TTC29: variants seen among roughly 807,000 people sequenced by gnomAD.
TTC29 encodes the protein tetratricopeptide repeat protein 29.
TTC29 carries 49 observed loss-of-function variants against 58.1 expected under a neutral mutation model. That is an observed-to-expected ratio of 0.84 (90% CI 0.67 to 1.07). The LOEUF (loss-of-function observed/expected upper bound fraction) is 1.07, where lower values mean the gene tolerates loss of function less well. Among genes scored for constraint, TTC29 ranks in the 50% least tolerant of loss-of-function variants. The pLI is 0.00. For missense variants in TTC29, 582 were observed against 555.6 expected (o/e 1.05, Z -0.48); for synonymous variants, 209 against 196.8 (o/e 1.06, Z -0.52).
intron 11 of TTC29, among the ~76,000 whole-genome samples, chr4:146,730,508 A>G (rs556943125): frequency 6.6e-6 from 1 of 152,322 alleles, no homozygotes; most frequent in South Asian, 2.1e-4. Flanking sequence ...ATGAATGCAA[A>G]TAGCAAAAAG....
At chr4:146,910,238 C>T (rs900822200) in intron 4 of TTC29, among the ~76,000 whole-genome samples, 1 of 151,802 alleles carries the variant, frequency 6.6e-6, no homozygotes, top group African/African-American at 2.4e-5. Context: ...CTCCAGTCTT[C>T]TCATCTCTAA....
At chr4:146,897,424 G>A (rs555661842) in intron 6 of TTC29, among the ~76,000 whole-genome samples, 2 of 152,174 alleles carry the variant, frequency 1.3e-5, no homozygotes, top group Admixed American at 1.3e-4. Flanking sequence ...GGAGAGGTTG[G>A]TGTTCCCCAA....
chr4:146,921,544 T>C (rs1400660591), intron 4 of TTC29, among the ~76,000 whole-genome samples: 2 of 150,944 alleles, frequency 1.3e-5, no homozygotes, highest in Admixed American at 6.6e-5. Flanking sequence ...TTAAACAAAA[T>C]AGAATTCAGG....
chr4:146,890,573 G>A (rs1048919588), intron 6 of TTC29, among the ~76,000 whole-genome samples: 1 of 152,236 alleles, frequency 6.6e-6, no homozygotes, highest in African/African-American at 2.4e-5. Context: ...AAGCAGAGAG[G>A]AGACAGGGCC....
At position 146,909,126 on chromosome 4, in the gene TTC29, G is replaced by A. The variant is rs772402347; in HGVS notation, c.300C>T (p.Val100=). 9.3e-6 allele frequency: 15 copies of A among 1,613,738 alleles called. No individual in the cohort carries two copies. The South Asian group carries it at 1.6e-4, about 18-fold the overall frequency. Residue 100 remains valine (V), a synonymous_variant, in exon 5 of 13, where the codon GTC becomes GTT. Transcript: ENST00000325106. ...RWDALREAAR[V]RSLFWLQKPL... is the part of the protein sequence containing the mutation. ...GCTTCTGCAGCCAGAAGAGGGACCTGACTCTCGCAGCCTCCCTCAGGGCAT... is the reference window on the plus strand; with the variant it reads ...GCTTCTGCAGCCAGAAGAGGGACCTAACTCTCGCAGCCTCCCTCAGGGCAT...
rs1223372414 is a variant in TTC29, at chr4:146,758,393, G to A, written c.1330+45064C>T. The stretch of plus-strand genomic sequence containing the variant: ...ATAGACAGCAACACAATAATAGCAG[G>A]GGACTTCAATACTCCACTGACAGCA... On this transcript the variant is annotated intron_variant, in intron 11 of 12. Coordinates refer to ENST00000325106, the MANE Select transcript of TTC29 (RefSeq NM_031956.4). 1.3e-5 allele frequency among the ~76,000 whole-genome samples: 2 copies of A among 151,940 alleles called. 1 individual carries two copies. Among genetic ancestry groups the A allele is most frequent in the Admixed American group, 1.3e-4 (2 of 15,252 alleles).
intron 11 of TTC29, among the ~76,000 whole-genome samples, chr4:146,709,414 T>C (rs1648644702): frequency 6.6e-6 from 1 of 152,150 alleles, no homozygotes; most frequent in African/African-American, 2.4e-5. Flanking sequence ...TTCCTCATTT[T>C]TCTGTCTCTT....
intron 11 of TTC29, among the ~76,000 whole-genome samples, chr4:146,794,117 A>G (rs1276055625): frequency 6.6e-6 from 1 of 152,168 alleles, no homozygotes; most frequent in Non-Finnish European, 1.5e-5. Context: ...AAAAAATACT[A>G]TATTCACAAT....
intron 11 of TTC29, among the ~76,000 whole-genome samples, chr4:146,745,057 T>G (rs2150040098): frequency 7.7e-6 from 1 of 129,784 alleles, no homozygotes; most frequent in East Asian, 2.2e-4. Flanking sequence ...AACACCCAGA[T>G]GCCTGGTATG....
intron 10 of TTC29, among the ~76,000 whole-genome samples, chr4:146,805,613 C>T (rs1453290020): frequency 4.0e-5 from 6 of 151,464 alleles, no homozygotes; most frequent in Non-Finnish European, 7.4e-5. Context: ...ATAGCTGAAT[C>T]GATCAAGCAG....
At chr4:146,811,433 G>A (rs1751016976) in intron 10 of TTC29, among the ~76,000 whole-genome samples, 1 of 151,998 alleles carries the variant, frequency 6.6e-6, no homozygotes, top group Non-Finnish European at 1.5e-5. Flanking sequence ...CATTTGTAAA[G>A]GCTCTAGGAG....
rs181777710 is a variant in TTC29, at chr4:146,809,808, G to A, written c.1102-6123C>T. 1.3e-4 allele frequency among the ~76,000 whole-genome samples: 20 copies of A among 150,022 alleles called. 3 individuals carry two copies. Among genetic ancestry groups the A allele is most frequent in the East Asian group, 3.9e-4 (2 of 5,066 alleles). ...TGGAGAAATAGAAACGTTTTTATCC[G>A]TTGGTGGGCGTGTAAATTAGTCCAA... On this transcript the variant is annotated intron_variant, in intron 10 of 12. Transcript: ENST00000325106.
At chr4:146,809,878 A>G (rs1157760553) in intron 10 of TTC29, among the ~76,000 whole-genome samples, 1 of 144,960 alleles carries the variant, frequency 6.9e-6, no homozygotes, top group Non-Finnish European at 1.5e-5. Context: ...ATCTAGAACC[A>G]GAAATACCAT....
chr4:146,872,203 T>C (rs1730977779), intron 7 of TTC29, among the ~76,000 whole-genome samples: 1 of 151,920 alleles, frequency 6.6e-6, no homozygotes, highest in African/African-American at 2.4e-5. Flanking sequence ...ACTTTCAAAA[T>C]ATGAAGTCGT....
intron 11 of TTC29, among the ~76,000 whole-genome samples, chr4:146,788,759 A>G (rs1336219876): frequency 6.6e-6 from 1 of 152,104 alleles, no homozygotes; most frequent in African/African-American, 2.4e-5. Context: ...AGAATTGTAA[A>G]GTTGTCAATA....
chr4:146,850,688 C>T (rs954249548), intron 8 of TTC29, among the ~76,000 whole-genome samples: 7 of 152,168 alleles, frequency 4.6e-5, no homozygotes, highest in Admixed American at 2.0e-4. Context: ...TAATGCTTTC[C>T]CATTCCTATG....
chr4:146,716,157 A>G (rs1008523300), intron 11 of TTC29, among the ~76,000 whole-genome samples: 2 of 152,198 alleles, frequency 1.3e-5, no homozygotes, highest in African/African-American at 4.8e-5. Flanking sequence ...TCCTTCTCAT[A>G]TATTCCCCTG....
chr4:146,811,274 T>C (rs35543212), intron 10 of TTC29, among the ~76,000 whole-genome samples: 57,356 of 152,012 alleles, frequency 0.38, 11,816 homozygotes, highest in African/African-American at 0.51. Context: ...AACTTTCACA[T>C]GTCACCCTAT....
intron 11 of TTC29, among the ~76,000 whole-genome samples, chr4:146,711,143 G>C (rs1321061779): frequency 1.3e-5 from 2 of 152,072 alleles, no homozygotes; most frequent in East Asian, 3.9e-4. Flanking sequence ...GGTTGTGTCA[G>C]AGTTTATAGA....
Sources: gnomAD v4.1 joint callset for allele counts (sites outside exome capture counted in the v4.1 genomes callset) on GRCh38, gnomAD v4.1.1 for gene constraint, MANE v1.5 for transcripts, NCBI Gene and HGNC (gene_info 2026-07-23, HGNC 2026-07-21) for gene names.